The following CFAP300 variants were observed in gnomAD, a reference collection of about 807,000 sequenced individuals.
The protein encoded by CFAP300 is cilia and flagella associated protein 300.
In CFAP300, 32 loss-of-function variants were observed where a neutral mutation model predicts 33.0. The observed-to-expected ratio is 0.97, with a 90% CI of 0.73 to 1.30. The LOEUF is 1.30. Ranked by LOEUF, CFAP300 falls within the 50% of genes most tolerant of loss-of-function variation. The probability of loss-of-function intolerance (pLI) is 0.00; values close to 1 mark genes in which losing one functional copy is unlikely to be tolerated. For missense variants in CFAP300, 356 were observed against 318.1 expected (o/e 1.12, Z -0.90); for synonymous variants, 102 against 106.8 (o/e 0.95, Z 0.28).
At chr11:102,080,959 A>G (rs1182300274) in intron 5 of CFAP300, among the ~76,000 whole-genome samples, 3 of 152,128 alleles carry the variant, frequency 2.0e-5, no homozygotes, top group Admixed American at 2.0e-4. Flanking sequence ...TGGGAAGGTA[A>G]TTTCATCATC....
At chr11:102,077,085 T>TACACACAC (rs149311507) in intron 5 of CFAP300, among the ~76,000 whole-genome samples, 46 of 150,424 alleles carry the variant, frequency 3.1e-4, no homozygotes, top group Admixed American at 7.3e-4. Flanking sequence ...ACCCTACACA[T>TACACACAC]ACACACACAC....
At chr11:102,071,936 G>A (rs905909658) in intron 4 of CFAP300, among the ~76,000 whole-genome samples, 3 of 151,970 alleles carry the variant, frequency 2.0e-5, no homozygotes, top group Non-Finnish European at 4.4e-5. Flanking sequence ...ACTTTTGATG[G>A]TTTGATGATA....
chr11:102,062,425 T>C (rs1041692308), intron 3 of CFAP300, among the ~76,000 whole-genome samples: 3 of 152,182 alleles, frequency 2.0e-5, no homozygotes, highest in African/African-American at 4.8e-5. Context: ...ACGGACACTA[T>C]GGGCAATTCT....
chr11:102,047,838 C>T lies in CFAP300; in HGVS notation c.134C>T (p.Ala45Val), dbSNP rs150794285. ...AGGTCCATGCTGGGCAGAATCAAGG[C>T]GCAGGCGTTCGGCTTTGACCAGACC... ...RQWSMLGRIK[A>V]QAFGFDQTFQ... The change falls in exon 2 of 7, where the codon GCG becomes GTG. Residue 45 changes from alanine to valine, a missense_variant. Transcript: ENST00000434758. 228 of 1,614,080 alleles carry T rather than the reference C, an allele frequency of 1.4e-4. No homozygotes were observed. Among genetic ancestry groups the T allele is most frequent in the Non-Finnish European group, 2.6e-5 (31 of 1,180,040 alleles).
Position 102,084,073 on chromosome 11 carries a change from A to C in CFAP300, c.*874A>C, listed in dbSNP as rs1942513820. 1 of 152,212 alleles carries C rather than the reference A, an allele frequency of 6.6e-6. No individual in the cohort carries two copies. Among genetic ancestry groups the C allele is most frequent in the African/African-American group, 2.4e-5 (1 of 41,460 alleles). The allele number at this position is 152,212 out of a possible 1,614,324, so 9.4% of individuals were successfully genotyped here. ...CTCTTGTATCACATAATAAATTAAA[A>C]CTGCAGCTGTCCCACGGCTAATACA... On this transcript the variant is annotated 3_prime_UTR_variant, in exon 7 of 7. Transcript: ENST00000434758.
intron 2 of CFAP300, among the ~76,000 whole-genome samples, chr11:102,056,442 GT>G (rs1210333560): frequency 1.3e-5 from 2 of 152,202 alleles, no homozygotes; most frequent in Non-Finnish European, 2.9e-5. Flanking sequence ...GAAAGTGCAT[GT>G]CTTCTGGTGC....
chr11:102,052,983 T>C (rs1941993095), intron 2 of CFAP300, among the ~76,000 whole-genome samples: 2 of 152,214 alleles, frequency 1.3e-5, no homozygotes, highest in South Asian at 2.1e-4. Context: ...ATCCCAGCAC[T>C]TTGGGAGCCT....
rs1352979944 is a variant in CFAP300 at position 102,081,398 on chromosome 11, T to C, written c.675+117T>C. The C allele has an allele frequency of 1.2e-5, 10 of 834,542 alleles. No individual in the cohort carries two copies. The East Asian group carries it at 2.4e-4, about 20-fold the overall frequency. The allele number at this position is 834,542 out of a possible 1,614,324, so 51.7% of individuals were successfully genotyped here. ...ATGCCTAGGAGAAAAGACAATGTTA[T>C]TTAGAGTTTTGTTAAAATTAAAAGT... On this transcript the variant is annotated intron_variant, in intron 6 of 6. Transcript: ENST00000434758.
intron 4 of CFAP300, among the ~76,000 whole-genome samples, chr11:102,073,456 G>A (rs898166622): frequency 2.0e-5 from 3 of 152,180 alleles, no homozygotes; most frequent in African/African-American, 7.2e-5. Flanking sequence ...CTGGATGGGG[G>A]ACAGTGCCAG....
chr11:102,070,244 T>C (rs1393373937), intron 4 of CFAP300, among the ~76,000 whole-genome samples: 1 of 152,220 alleles, frequency 6.6e-6, no homozygotes, highest in Non-Finnish European at 1.5e-5. Flanking sequence ...TATATTTTCC[T>C]AGACATACCT....
Position 102,081,077 on chromosome 11 carries a change from T to C in CFAP300, c.609-138T>C, listed in dbSNP as rs556493587. The C allele has an allele frequency of 2.3e-5, 13 of 573,788 alleles. No homozygotes were observed. In the South Asian group the frequency reaches 4.5e-4, roughly 20 times the overall value. 35.5% of individuals were successfully genotyped at this position (573,788 alleles called of 1,614,324 possible). ...GAATGAAGCCTCAGATGCCATTTTT[T>C]CAAACCACTTAGTTGGATAGTATGT... is the stretch of plus-strand genomic sequence containing the variant. On this transcript the variant is annotated intron_variant, in intron 5 of 6. Transcript: ENST00000434758.
In CFAP300 at chr11:102,060,168, C is replaced by T. The variant is rs555507415; in HGVS notation, c.268+1213C>T. 5.9e-5 allele frequency among the ~76,000 whole-genome samples: 9 copies of T among 152,062 alleles called. No homozygotes were observed. The East Asian group carries it at 1.4e-3, about 23-fold the overall frequency. ...TGTGTTTTTAGTAGAGACGGGGTTTCGCCATGTTGGCCAGGCTGGTCTTGA... is the reference window on the plus strand; with the variant it reads ...TGTGTTTTTAGTAGAGACGGGGTTTTGCCATGTTGGCCAGGCTGGTCTTGA... On this transcript the variant is annotated intron_variant, in intron 3 of 6. Transcript: ENST00000434758.
At chr11:102,054,457 G>A (rs1361877785) in intron 2 of CFAP300, among the ~76,000 whole-genome samples, 2 of 152,038 alleles carry the variant, frequency 1.3e-5, no homozygotes, top group Non-Finnish European at 2.9e-5. Flanking sequence ...GTGAGGCTGG[G>A]CTCGGTGGTG....
chr11:102,066,658 AC>A lies in CFAP300; in HGVS notation c.435+8del, dbSNP rs1326453485. On this transcript the variant is annotated splice_region_variant and intron_variant, in intron 4 of 6. Transcript: ENST00000434758. ...TTCTGATGAGTTACGAAGAGTAAGT[AC>A]AGAATTTTAAAATTTCGCAGTGGAA... 1.3e-6 allele frequency: 2 copies of A among 1,584,418 alleles called. No individual in the cohort carries two copies. The highest frequency in any genetic ancestry group is 2.7e-5 in the African/African-American group (2 of 73,006).
chr11:102,056,826 T>C (rs1291250159), intron 2 of CFAP300, among the ~76,000 whole-genome samples: 1 of 151,848 alleles, frequency 6.6e-6, no homozygotes, highest in Non-Finnish European at 1.5e-5. Flanking sequence ...GGGTTCGCCA[T>C]GTTAGCCAGG....
intron 5 of CFAP300, among the ~76,000 whole-genome samples, chr11:102,077,048 G>A (rs1176171845): frequency 6.6e-6 from 1 of 151,906 alleles, no homozygotes; most frequent in Non-Finnish European, 1.5e-5. Flanking sequence ...ACTGCTTCTA[G>A]CACTCCCTGA....
intron 4 of CFAP300, among the ~76,000 whole-genome samples, chr11:102,072,713 C>T (rs985745636): frequency 1.3e-5 from 2 of 151,990 alleles, no homozygotes; most frequent in Admixed American, 1.3e-4. Context: ...CTTCCTTTTT[C>T]ATATTTCTTG....
rs564661356 is a variant in CFAP300 at position 102,075,843 on chromosome 11, G to A, written c.436-30G>A. On this transcript the variant is annotated intron_variant, in intron 4 of 6. Transcript: ENST00000434758. ...AACAAAAGTAAAAATCTTGAGTTAT[G>A]TTACATTAAGATGAATTTTATCGTC... is the stretch of plus-strand genomic sequence containing the variant. 4.0e-6 allele frequency: 6 copies of A among 1,518,422 alleles called. No individual in the cohort carries two copies. In the African/African-American group the frequency reaches 5.6e-5, roughly 14 times the overall value. 94.1% of individuals were successfully genotyped at this position (1,518,422 alleles called of 1,614,324 possible).
At chr11:102,055,766 G>A (rs1031260506) in intron 2 of CFAP300, among the ~76,000 whole-genome samples, 6 of 144,974 alleles carry the variant, frequency 4.1e-5, no homozygotes, top group Admixed American at 1.4e-4. Context: ...TCTGCCTCCC[G>A]GGTTCACTCC....
Sources: allele counts gnomAD v4.1 joint callset (sites outside exome capture counted in the v4.1 genomes callset), GRCh38; gene constraint gnomAD v4.1.1; transcripts MANE v1.5; gene names NCBI Gene and HGNC (gene_info 2026-07-23, HGNC 2026-07-21).